MBD5: variants seen among roughly 807,000 people sequenced by gnomAD.
MBD5 encodes the protein methyl-CpG binding domain protein 5.
MBD5 carries 13 observed loss-of-function variants against 117.3 expected under a neutral mutation model. The observed-to-expected ratio is 0.11, with a 90% CI of 0.07 to 0.18. The LOEUF (loss-of-function observed/expected upper bound fraction) is 0.18. MBD5 is among the 10% of genes least tolerant of loss of function. The pLI is 1.00. For synonymous variants in MBD5, 727 were observed against 766.4 expected, an observed-to-expected ratio of 0.95 and a Z score of 0.85; for missense variants, 1,879 against 2,093.8, an observed-to-expected ratio of 0.90 and a Z score of 2.00.
chr2:148,376,253 C>G (rs564322764), intron 4 of MBD5, among the ~76,000 whole-genome samples: 1 of 139,124 alleles, frequency 7.2e-6, no homozygotes, highest in Non-Finnish European at 1.5e-5. Flanking sequence ...TATTATATTT[C>G]TTTTTTTTCT....
At chr2:148,028,118 A>G (rs1490193147) in intron 1 of MBD5, 3 of 152,082 alleles carry the variant, frequency 2.0e-5, no homozygotes, top group Non-Finnish European at 4.4e-5. Context: ...GGATATCACA[A>G]ATTTTGATTT....
At chr2:148,186,548 G>A (rs539158165) in intron 2 of MBD5, among the ~76,000 whole-genome samples, 9 of 152,234 alleles carry the variant, frequency 5.9e-5, no homozygotes, top group African/African-American at 2.2e-4. Flanking sequence ...CCTTAAAAAA[G>A]TAAAGAGAAA....
chr2:148,223,461 TG>T (rs1375969646), intron 2 of MBD5, among the ~76,000 whole-genome samples: 1 of 152,198 alleles, frequency 6.6e-6, no homozygotes, highest in Non-Finnish European at 1.5e-5. Context: ...GTTCAGGTTT[TG>T]GATTTCTTCA....
intron 2 of MBD5, among the ~76,000 whole-genome samples, chr2:148,232,001 T>C (rs532141124): frequency 6.6e-6 from 1 of 152,164 alleles, no homozygotes; most frequent in East Asian, 1.9e-4. Context: ...GGAAGTGATA[T>C]TTGAGAAGAT....
chr2:148,232,900 A>G (rs1273764226), intron 2 of MBD5, among the ~76,000 whole-genome samples: 1 of 152,018 alleles, frequency 6.6e-6, no homozygotes, highest in African/African-American at 2.4e-5. Context: ...CTCTTTTCTC[A>G]AAGAGGGAAA....
chr2:148,254,107 T>A (rs1257278887), intron 3 of MBD5, among the ~76,000 whole-genome samples: 1 of 152,204 alleles, frequency 6.6e-6, no homozygotes. Context: ...ATCCCAGCTA[T>A]GCCACTCATG....
At chr2:148,172,531 G>A (rs772247510) in intron 1 of MBD5, among the ~76,000 whole-genome samples, 3 of 152,188 alleles carry the variant, frequency 2.0e-5, no homozygotes, top group African/African-American at 4.8e-5. Context: ...CACAGGAATA[G>A]CCTGGCTGCC....
chr2:148,503,979 T>C (rs904980326), intron 12 of MBD5, among the ~76,000 whole-genome samples: 1 of 152,150 alleles, frequency 6.6e-6, no homozygotes, highest in Non-Finnish European at 1.5e-5. Context: ...ATGTACAAAA[T>C]AAAGTTAATA....
chr2:148,037,907 C>T (rs917032833), intron 1 of MBD5, among the ~76,000 whole-genome samples: 5 of 151,904 alleles, frequency 3.3e-5, no homozygotes, highest in Admixed American at 2.6e-4. Context: ...GAGTGATATA[C>T]ATTACAAAAG....
chr2:148,042,297 A>G (rs950394107), intron 1 of MBD5, among the ~76,000 whole-genome samples: 1 of 152,146 alleles, frequency 6.6e-6, no homozygotes, highest in Non-Finnish European at 1.5e-5. Flanking sequence ...GCTACCACTT[A>G]TTTTTAGTGC....
intron 1 of MBD5, among the ~76,000 whole-genome samples, chr2:148,123,971 C>T (rs1696828493): frequency 6.6e-6 from 1 of 152,110 alleles, no homozygotes; most frequent in Non-Finnish European, 1.5e-5. Flanking sequence ...ATTTCAAGAA[C>T]ATCTCATTGT....
chr2:148,490,283 T>C lies in MBD5; in HGVS notation c.4651T>C (p.Ser1551Pro), dbSNP rs776930883. The C allele has an allele frequency of 7.4e-6, 12 of 1,614,128 alleles. No individual in the cohort carries two copies. Among genetic ancestry groups the C allele is most frequent in the Admixed American group, 1.7e-5 (1 of 60,012 alleles). ...AKQDLVLEEQ[S>P]PSSSNSLENS... Reference sequence around the variant, plus strand: ...GCAAGACCTGGTCCTAGAGGAGCAGTCTCCAAGTTCCTCAAATAGTTTGGA... The same window carrying C: ...GCAAGACCTGGTCCTAGAGGAGCAGCCTCCAAGTTCCTCAAATAGTTTGGA... Residue 1551 changes from serine (S) to proline (P), a missense_variant, in exon 11 of 14, where the codon TCT becomes CCT. Coordinates refer to ENST00000642680, the MANE Select transcript of MBD5 (RefSeq NM_001378120.1).
intron 11 of MBD5, among the ~76,000 whole-genome samples, chr2:148,494,911 C>G (rs1025893488): frequency 6.6e-6 from 1 of 152,012 alleles, no homozygotes; most frequent in Non-Finnish European, 1.5e-5. Flanking sequence ...CGCAGTTAGC[C>G]GAGATCGCGC....
intron 1 of MBD5, among the ~76,000 whole-genome samples, chr2:148,100,350 A>G (rs1696176134): frequency 6.6e-6 from 1 of 152,228 alleles, no homozygotes; most frequent in Non-Finnish European, 1.5e-5. Flanking sequence ...CTATAAGTTC[A>G]AACCTCTATT....
intron 1 of MBD5, chr2:148,028,724 G>A (rs965312634): frequency 6.6e-6 from 1 of 152,134 alleles, no homozygotes; most frequent in Admixed American, 6.5e-5. Flanking sequence ...CCTAAAAAGA[G>A]TTCACTGTGT....
intron 4 of MBD5, among the ~76,000 whole-genome samples, chr2:148,357,904 T>C (rs1703427405): frequency 6.6e-6 from 1 of 152,170 alleles, no homozygotes; most frequent in Non-Finnish European, 1.5e-5. Flanking sequence ...TTCAGCCCTA[T>C]TTCTCCCTGC....
At chr2:148,103,010 A>G (rs1025482029) in intron 1 of MBD5, among the ~76,000 whole-genome samples, 1 of 152,196 alleles carries the variant, frequency 6.6e-6, no homozygotes, top group Admixed American at 6.5e-5. Flanking sequence ...CCAAGAAAAG[A>G]TAGATGAAAA....
intron 4 of MBD5, among the ~76,000 whole-genome samples, chr2:148,351,833 T>TA (rs1703256862): frequency 6.6e-6 from 1 of 152,112 alleles, no homozygotes; most frequent in African/African-American, 2.4e-5. Context: ...TGCTTCTCTC[T>TA]ACCCTTCATG....
At chr2:148,324,026 G>A (rs1373043601) in intron 3 of MBD5, among the ~76,000 whole-genome samples, 1 of 152,154 alleles carries the variant, frequency 6.6e-6, no homozygotes, top group Non-Finnish European at 1.5e-5. Flanking sequence ...TGTATAAGGT[G>A]TAAGGAAGGG....
Sources: allele counts gnomAD v4.1 joint callset (sites outside exome capture counted in the v4.1 genomes callset), GRCh38; gene constraint gnomAD v4.1.1; transcripts MANE v1.5; gene names NCBI Gene and HGNC (gene_info 2026-07-23, HGNC 2026-07-21).